SNRPN: variants seen among roughly 807,000 people sequenced by gnomAD.
SNRPN encodes small nuclear ribonucleoprotein polypeptide N, also known as small nuclear ribonucleoprotein-associated protein N.
Under a neutral mutation model 25.2 loss-of-function variants are expected in SNRPN, and 7 were observed. The observed-to-expected ratio is 0.28, with a 90% CI of 0.16 to 0.52. The LOEUF (loss-of-function observed/expected upper bound fraction) is 0.52, where lower values mean the gene tolerates loss of function less well. Among genes scored for constraint, SNRPN ranks in the 20% least tolerant of loss-of-function variants. The probability of loss-of-function intolerance (pLI) is 0.96; values close to 1 mark genes in which losing one functional copy is unlikely to be tolerated. For synonymous variants in SNRPN, 124 were observed against 110.6 expected, an observed-to-expected ratio of 1.12 and a Z score of -0.76; for missense variants, 196 against 322.5, an observed-to-expected ratio of 0.61 and a Z score of 3.00.
At chr15:24,904,942 CAAAAAAAA>C (rs33929037) in intron 2 of SNRPN, among the ~76,000 whole-genome samples, 2 of 88,266 alleles carry the variant, frequency 2.3e-5, no homozygotes, top group Non-Finnish European at 4.3e-5. Context: ...GACTCCGTCT[CAAAAAAAA>C]AAAAAAAAAA....
chr15:24,889,524 C>G (rs997903006), intron 2 of SNRPN, among the ~76,000 whole-genome samples: 35 of 151,234 alleles, frequency 2.3e-4, no homozygotes, highest in Non-Finnish European at 4.6e-4. Flanking sequence ...CCAGGATGGT[C>G]TTGATCTCCT....
At position 24,864,343 on chromosome 15, in the gene SNRPN, T is replaced by G. The variant is rs11630813; in HGVS notation, c.-579+7627T>G. On this transcript the variant is annotated intron_variant, in intron 1 of 11. Transcript: ENST00000400097. ...GCTCCCGGCCCCTCTTCTTTTCTTT[T>G]TTTTTTTTTTTTTTTTTTTGGTGGA... is the stretch of plus-strand genomic sequence containing the variant. Among the ~76,000 whole-genome samples the G allele has an allele frequency of 7.9e-5, 3 of 37,790 alleles. No individual in the cohort carries two copies. In the Admixed American group the frequency reaches 8.7e-4, roughly 11 times the overall value. 24.8% of individuals were successfully genotyped at this position (37,790 alleles called of 152,430 possible). A position where few individuals can be genotyped will look rare whatever the true frequency, so the allele number is the denominator to read the frequency against.
At chr15:24,954,136 G>A (rs2062495966), upstream of SNRPN, among the ~76,000 whole-genome samples, 1 of 152,242 alleles carries the variant, frequency 6.6e-6, no homozygotes, top group Admixed American at 6.5e-5. Flanking sequence ...CTAAATTTTG[G>A]AGTTACTGAT....
chr15:24,965,073 G>GT (rs1214993428), intron 2 of SNRPN, among the ~76,000 whole-genome samples: 2 of 152,038 alleles, frequency 1.3e-5, no homozygotes, highest in Non-Finnish European at 2.9e-5. Context: ...AGCAGGATTG[G>GT]TTAACACTGC....
chr15:24,974,525 G>A (rs1357529541), intron 4 of SNRPN, 69 bp downstream of exon 4: 2 of 1,442,642 alleles, frequency 1.4e-6, no homozygotes, highest in Non-Finnish European at 2.0e-6. Context: ...TTGCCAGCAT[G>A]TGCAGTGATC....
chr15:24,852,735 G>A (rs548233723), upstream of SNRPN, among the ~76,000 whole-genome samples: 1 of 152,162 alleles, frequency 6.6e-6, no homozygotes, highest in African/African-American at 2.4e-5. Flanking sequence ...GACCAATCTG[G>A]GCAACATGGC....
At chr15:24,886,204 T>G (rs1422105446) in intron 1 of SNRPN, among the ~76,000 whole-genome samples, 1 of 152,178 alleles carries the variant, frequency 6.6e-6, no homozygotes, top group Non-Finnish European at 1.5e-5. Flanking sequence ...TTCCTCATCC[T>G]CCACCATCCC....
chr15:24,915,115 C>A (rs1166611240), intron 2 of SNRPN, among the ~76,000 whole-genome samples: 1 of 151,588 alleles, frequency 6.6e-6, no homozygotes, highest in Non-Finnish European at 1.5e-5. Flanking sequence ...GAAGAGGGTT[C>A]TTTTTTATAT....
At chr15:24,954,313 A>C (rs2062509009), upstream of SNRPN, among the ~76,000 whole-genome samples, 1 of 152,154 alleles carries the variant, frequency 6.6e-6, no homozygotes, top group East Asian at 1.9e-4. Flanking sequence ...TCCTACTTAG[A>C]TCTTAGGTGG....
Position 24,974,302 on chromosome 15 carries a change from C to T in SNRPN, c.-143-9C>T. On this transcript the variant is annotated splice_polypyrimidine_tract_variant and intron_variant, in intron 3 of 9. Transcript: ENST00000390687. ...TTGCAGTGCAGCTTTAACATGCTTT[C>T]CTCTGCAGGCTCCATCTACTCTTTG... 3 of 709,894 alleles carry T rather than the reference C, an allele frequency of 4.2e-6. No homozygotes were observed. In the Admixed American group the frequency reaches 6.5e-5, roughly 15 times the overall value. 44.0% of individuals were successfully genotyped at this position (709,894 alleles called of 1,614,324 possible).
intron 2 of SNRPN, among the ~76,000 whole-genome samples, chr15:24,888,799 A>G (rs764166483): frequency 2.0e-5 from 3 of 152,238 alleles, no homozygotes; most frequent in African/African-American, 7.2e-5. Context: ...ACTGCAATCA[A>G]TGTAGGCATA....
chr15:24,859,969 T>C (rs2053848071), intron 1 of SNRPN, among the ~76,000 whole-genome samples: 1 of 152,316 alleles, frequency 6.6e-6, no homozygotes, highest in Admixed American at 6.5e-5. Flanking sequence ...GCAGCCTGTT[T>C]TATCAGCAAG....
intron 2 of SNRPN, chr15:24,909,888 G>T: frequency 1.5e-6 from 1 of 674,306 alleles, no homozygotes; most frequent in Non-Finnish European, 2.6e-6. Context: ...CGGCGCTGGG[G>T]CAGGGAGAAG....
At chr15:24,851,114 C>T (rs1023848576) in intron 2 of SNRPN, 7 of 121,760 alleles carry the variant, frequency 5.7e-5, no homozygotes, top group African/African-American at 2.0e-4. Context: ...AGACGTGTCT[C>T]ACTTTGTTGC....
rs144914401 is a variant in SNRPN at position 24,957,699 on chromosome 15, C to T, written c.-391+2637C>T. On this transcript the variant is annotated intron_variant, in intron 1 of 9. Transcript: ENST00000390687. ...TATTTTTGGGTAGTTTTAAAAATAG[C>T]AGGAGTCTGGGATTTTATATGATAT... Among the ~76,000 whole-genome samples, 559 of 152,248 alleles carry T rather than the reference C, an allele frequency of 3.7e-3. 5 individuals are homozygous for T. The highest frequency in any genetic ancestry group is 0.013 in the African/African-American group (535 of 41,538).
At chr15:24,917,315 G>A (rs1270179277) in intron 2 of SNRPN, among the ~76,000 whole-genome samples, 5 of 152,116 alleles carry the variant, frequency 3.3e-5, no homozygotes, top group Non-Finnish European at 7.3e-5. Flanking sequence ...CAACGATTTA[G>A]TTCCTTCTGG....
intron 2 of SNRPN, chr15:24,909,057 T>C (rs779526698): frequency 8.4e-6 from 12 of 1,420,246 alleles, no homozygotes; most frequent in Non-Finnish European, 1.1e-5. Context: ...TTCTTGGGCT[T>C]ATTTTCATAG....
intron 1 of SNRPN, among the ~76,000 whole-genome samples, chr15:24,878,360 C>T (rs2056201028): frequency 6.6e-6 from 1 of 152,076 alleles, no homozygotes; most frequent in African/African-American, 2.4e-5. Context: ...ACCCGCAGTG[C>T]GCTACGGGAA....
rs1312879383 is a variant in SNRPN, at chr15:24,978,507, G to C, written c.*63G>C. On this transcript the variant is annotated 3_prime_UTR_variant, in exon 10 of 10. Transcript: ENST00000390687. The stretch of plus-strand genomic sequence containing the variant: ...AATGCGTCTTGTGAAATTGTGTAGA[G>C]TGTTTGTGAGCTTTTTGTTCCCTCA... The C allele has an allele frequency of 2.8e-6, 4 of 1,444,302 alleles. No individual in the cohort carries two copies. In the African/African-American group the frequency reaches 5.6e-5, roughly 20 times the overall value. 89.5% of individuals were successfully genotyped at this position (1,444,302 alleles called of 1,614,324 possible).
Sources: allele counts gnomAD v4.1 joint callset (sites outside exome capture counted in the v4.1 genomes callset), GRCh38; gene constraint gnomAD v4.1.1; transcripts MANE v1.5; gene names NCBI Gene and HGNC (gene_info 2026-07-23, HGNC 2026-07-21).